SYN3: variants seen among roughly 807,000 people sequenced by gnomAD.
SYN3 encodes synapsin III, also known as synapsin-3.
Under a neutral mutation model 65.8 loss-of-function variants are expected in SYN3, and 35 were observed. The observed-to-expected ratio is 0.53, with a 90% CI of 0.41 to 0.70. SYN3 has a LOEUF of 0.70. Ranked by LOEUF, SYN3 falls within the 30% of genes least tolerant of loss-of-function variation. SYN3 has a pLI of 0.00. For synonymous variants in SYN3, 270 were observed against 292.9 expected (o/e 0.92, Z 0.80); for missense variants, 680 against 749.0 (o/e 0.91, Z 1.08).
chr22:32,901,131 A>G (rs1485864610), intron 4 of SYN3, among the ~76,000 whole-genome samples: 1 of 152,236 alleles, frequency 6.6e-6, no homozygotes, highest in Admixed American at 6.5e-5. Context: ...TTAAAAGCTT[A>G]TGAATAGGAG....
chr22:32,569,198 G>T (rs2058711731), intron 7 of SYN3, among the ~76,000 whole-genome samples: 1 of 152,024 alleles, frequency 6.6e-6, no homozygotes, highest in South Asian at 2.1e-4. Context: ...AGAGAGTTGG[G>T]AGGATTAGAA....
intron 6 of SYN3, among the ~76,000 whole-genome samples, chr22:32,834,022 C>G (rs992799182): frequency 4.6e-5 from 7 of 152,184 alleles, no homozygotes; most frequent in Non-Finnish European, 8.8e-5. Flanking sequence ...GTGTTCATCC[C>G]TGGTACTCTC....
intron 6 of SYN3, among the ~76,000 whole-genome samples, chr22:32,845,168 CTTCTG>C (rs77431599): frequency 0.066 from 10,012 of 152,138 alleles, 348 homozygotes; most frequent in Middle Eastern, 0.1. Context: ...CTGATTGGTG[CTTCTG>C]TACCTTGGAG....
intron 7 of SYN3, among the ~76,000 whole-genome samples, chr22:32,558,705 G>A (rs2058540030): frequency 6.6e-6 from 1 of 152,220 alleles, no homozygotes; most frequent in African/African-American, 2.4e-5. Context: ...GACCCGGGAG[G>A]GCAAGCTGTA....
At chr22:32,555,285 G>A in intron 7 of SYN3, among the ~76,000 whole-genome samples, 1 of 152,166 alleles carries the variant, frequency 6.6e-6, no homozygotes, top group East Asian at 1.9e-4. Context: ...TTGAAGAGGG[G>A]ACATCCCATC....
At chr22:32,552,537 C>G (rs1419564316) in intron 7 of SYN3, among the ~76,000 whole-genome samples, 1 of 149,578 alleles carries the variant, frequency 6.7e-6, no homozygotes, top group Non-Finnish European at 1.5e-5. Flanking sequence ...ACAAGCAGGA[C>G]TAAAGGAGAA....
intron 6 of SYN3, among the ~76,000 whole-genome samples, chr22:32,720,166 T>C (rs2061096676): frequency 6.6e-6 from 1 of 152,242 alleles, no homozygotes. Flanking sequence ...CACTAAGATC[T>C]ACAGCACAGA....
chr22:32,801,856 A>C lies in SYN3; in HGVS notation c.711+63059T>G. ...TGCGCCCCATCCCGTCCCGCCGGGC[A>C]CTCGGAGGGCAGCGCGCCGGAGGCC... is the stretch of plus-strand genomic sequence containing the variant. On this transcript the variant is annotated intron_variant, in intron 6 of 13. Coordinates refer to ENST00000358763, the MANE Select transcript of SYN3 (RefSeq NM_003490.4). The surrounding 1 kb of genome is among the most constrained non-coding windows in gnomAD (Gnocchi z 4.7). 9.6e-7 allele frequency: 1 copy of C among 1,037,006 alleles called. No homozygotes were observed. The highest frequency in any genetic ancestry group is 1.2e-6 in the Non-Finnish European group (1 of 816,060). The allele number at this position is 1,037,006 out of a possible 1,614,324, so 64.2% of individuals were successfully genotyped here.
intron 6 of SYN3, among the ~76,000 whole-genome samples, chr22:32,635,377 G>C (rs867788531): frequency 5.5e-4 from 83 of 152,290 alleles, no homozygotes; most frequent in African/African-American, 1.7e-3. Context: ...AAGCTCAGTA[G>C]ATGTTGGTTG....
chr22:32,531,749 CCT>C (rs1351322194), intron 10 of SYN3, among the ~76,000 whole-genome samples: 1 of 151,846 alleles, frequency 6.6e-6, no homozygotes, highest in Non-Finnish European at 1.5e-5. Context: ...TCCCATCTCC[CCT>C]GACCCCACTC....
intron 10 of SYN3, among the ~76,000 whole-genome samples, chr22:32,531,491 A>G (rs2058070624): frequency 6.6e-6 from 1 of 152,132 alleles, no homozygotes; most frequent in Non-Finnish European, 1.5e-5. Context: ...GGAAGTGGCC[A>G]CCCTCGTCTC....
intron 7 of SYN3, among the ~76,000 whole-genome samples, chr22:32,562,551 T>G (rs1478868954): frequency 6.6e-6 from 1 of 152,100 alleles, no homozygotes; most frequent in Non-Finnish European, 1.5e-5. Flanking sequence ...CTCCCCACAA[T>G]CTGGTCTTTC....
intron 6 of SYN3, among the ~76,000 whole-genome samples, chr22:32,768,995 T>C (rs2045696607): frequency 6.6e-6 from 1 of 152,192 alleles, no homozygotes; most frequent in Non-Finnish European, 1.5e-5. Context: ...TCCTACTCCA[T>C]GGAAACCCTT....
At chr22:32,813,162 C>A (rs2046958283) in intron 6 of SYN3, among the ~76,000 whole-genome samples, 2 of 152,120 alleles carry the variant, frequency 1.3e-5, no homozygotes, top group Admixed American at 6.6e-5. Flanking sequence ...TCACTCCTAC[C>A]AAATATGTTT....
intron 6 of SYN3, among the ~76,000 whole-genome samples, chr22:32,827,191 C>T (rs981635401): frequency 3.3e-5 from 5 of 152,314 alleles, no homozygotes; most frequent in Middle Eastern, 3.4e-3. Flanking sequence ...AGGAATTCAG[C>T]GAGTGACTTT....
intron 6 of SYN3, among the ~76,000 whole-genome samples, chr22:32,772,201 CAGAA>C (rs1353699929): frequency 3.4e-4 from 51 of 151,970 alleles, no homozygotes; most frequent in African/African-American, 1.2e-3. Context: ...AAAGCAGGAC[CAGAA>C]GGTCAAGAAA....
At chr22:32,748,097 A>G (rs1371054596) in intron 6 of SYN3, among the ~76,000 whole-genome samples, 3 of 152,196 alleles carry the variant, frequency 2.0e-5, no homozygotes, top group Admixed American at 6.5e-5. Flanking sequence ...TCCGAACCTT[A>G]GACGCTGGAT....
intron 1 of SYN3, among the ~76,000 whole-genome samples, chr22:33,056,366 G>T (rs2054253510): frequency 1.3e-5 from 2 of 152,122 alleles, no homozygotes; most frequent in Admixed American, 1.3e-4. Flanking sequence ...GTGGGGAAAT[G>T]CTCAACTCCC....
chr22:32,909,727 C>G (rs2050001206), intron 4 of SYN3, among the ~76,000 whole-genome samples: 1 of 148,874 alleles, frequency 6.7e-6, no homozygotes, highest in South Asian at 2.1e-4. Flanking sequence ...CAAATGTATC[C>G]CATTAACACT....
Sources: allele counts gnomAD v4.1 joint callset (sites outside exome capture counted in the v4.1 genomes callset), GRCh38; gene constraint gnomAD v4.1.1; non-coding constraint Gnocchi (gnomAD v3.1); transcripts MANE v1.5; gene names NCBI Gene and HGNC (gene_info 2026-07-23, HGNC 2026-07-21).